Variants in DNAH1 observed in about 807,000 individuals in gnomAD.
DNAH1 encodes dynein axonemal heavy chain 1, also known as axonemal beta dynein heavy chain 1.
In DNAH1, 327 loss-of-function variants were observed where a neutral mutation model predicts 484.3. The observed-to-expected ratio is 0.68, with a 90% CI of 0.62 to 0.74. The LOEUF (loss-of-function observed/expected upper bound fraction) is 0.74, where lower values mean the gene tolerates loss of function less well. Ranked by LOEUF, DNAH1 falls within the 30% of genes least tolerant of loss-of-function variation. DNAH1 has a pLI of 0.00. For synonymous variants in DNAH1, 2,192 were observed against 2,191.9 expected (o/e 1.00, Z 0.00); for missense variants, 5,052 against 5,546.8 (o/e 0.91, Z 2.83).
Position 52,353,349 on chromosome 3 carries a change from G to A in DNAH1, c.3227-31G>A. On this transcript the variant is annotated intron_variant, in intron 19 of 77. Coordinates refer to ENST00000420323, the MANE Select transcript of DNAH1 (RefSeq NM_015512.5). This position sits in a 1 kb window ranked among gnomAD's most constrained non-coding sequence, Gnocchi z 5.0. ...CCCCTCCTCCCTGCCTCTGCCGCCT[G>A]CCTCTCATGCGTTTCTGTCTTACCC... is the stretch of plus-strand genomic sequence containing the variant. 6.2e-7 allele frequency: 1 copy of A among 1,608,316 alleles called. No individual in the cohort carries two copies. The highest frequency in any genetic ancestry group is 1.1e-5 in the South Asian group (1 of 90,650).
At chr3:52,370,935 G>C in intron 41 of DNAH1, 110 bp downstream of exon 41, 1 of 1,016,354 alleles carries the variant, frequency 9.8e-7, no homozygotes, top group Non-Finnish European at 1.5e-6. Context: ...TGGCCACCAG[G>C]TCTCAGGCAG....
At position 52,349,219 on chromosome 3, in the gene DNAH1, G is replaced by A; in HGVS notation, c.2325G>A (p.Leu775=). 6.2e-7 allele frequency: 1 copy of A among 1,613,738 alleles called. No individual in the cohort carries two copies. The highest frequency in any genetic ancestry group is 8.5e-7 in the Non-Finnish European group (1 of 1,179,772). ...GAACCTACCAGACGCAGGGCCTGTT[G>A]GCCCAGGAGGTGCGGGAGGTAGTGC... ...FLKTYQTQGL[L]AQEVREVVLT... is the part of the protein sequence containing the mutation. The change falls in exon 14 of 78, where the codon TTG becomes TTA. Residue 775 remains leucine (L), a synonymous_variant. Coordinates refer to ENST00000420323, the MANE Select transcript of DNAH1 (RefSeq NM_015512.5).
Position 52,362,910 on chromosome 3 carries a change from G to T in DNAH1, c.5095-85G>T. 6.3e-7 allele frequency: 1 copy of T among 1,575,714 alleles called. No individual in the cohort carries two copies. The highest frequency in any genetic ancestry group is 2.2e-5 in the East Asian group (1 of 44,572). On this transcript the variant is annotated intron_variant, in intron 31 of 77. Coordinates refer to ENST00000420323, the MANE Select transcript of DNAH1 (RefSeq NM_015512.5). This position sits in a 1 kb window ranked among gnomAD's most constrained non-coding sequence, Gnocchi z 5.1. ...GCTTGGTGCAGCAGGGAGTCCCAGC[G>T]TGTTAGGGAGGAGGGCCGGATGAAG...
intron 22 of DNAH1, 82 bp downstream of exon 22, chr3:52,356,860 C>T (rs1702631709): frequency 5.4e-6 from 8 of 1,475,904 alleles, no homozygotes; most frequent in Non-Finnish European, 5.5e-6. Flanking sequence ...AGTCTCTTCC[C>T]TCCCTACACA....
At chr3:52,393,709 G>A (rs939346024) in intron 66 of DNAH1, among the ~76,000 whole-genome samples, 1 of 152,220 alleles carries the variant, frequency 6.6e-6, no homozygotes, top group African/African-American at 2.4e-5. Context: ...CTTGAGGCCA[G>A]GAGTTCAAGA....
At chr3:52,329,785 A>G (rs1701475307) in intron 6 of DNAH1, among the ~76,000 whole-genome samples, 1 of 151,662 alleles carries the variant, frequency 6.6e-6, no homozygotes, top group African/African-American at 2.4e-5. Context: ...AGCTCGCGCC[A>G]TTGCACTCCA....
In DNAH1 at chr3:52,323,840, C is replaced by A; in HGVS notation, c.366C>A (p.Asn122Lys). 6.3e-7 allele frequency: 1 copy of A among 1,587,716 alleles called. No individual in the cohort carries two copies. The highest frequency in any genetic ancestry group is 8.6e-7 in the Non-Finnish European group (1 of 1,166,962). The change falls in exon 3 of 78, where the codon AAC (asparagine) becomes AAA (lysine). Residue 122 changes from asparagine (N) to lysine (K), a missense_variant. Around this residue, in one of 4 missense-constraint regions of DNAH1, gnomAD observed 1,263 missense variants for 1,218.8 expected, o/e 1.04. Transcript: ENST00000420323. ...EVCRGPRMSQ[N>K]LLRQADLDKF... ...GTCGTGGCCCCCGAATGAGCCAGAA[C>A]CTCCTGCGGCAGGCTGACCTTGACA...
At position 52,353,133 on chromosome 3, in the gene DNAH1, T is replaced by A; in HGVS notation, c.3058T>A (p.Phe1020Ile). ...CAAGCTCTCCAGGATGGTGAAGGAG[T>A]TCCAACCCTACCTGGACCTTTGGAC... is the stretch of plus-strand genomic sequence containing the variant. ...YDKLSRMVKE[F>I]QPYLDLWTTA... is the part of the protein sequence containing the mutation. Residue 1020 changes from phenylalanine (F) to isoleucine (I), a missense_variant, in exon 19 of 78, where the codon TTC (phenylalanine) becomes ATC (isoleucine). Around this residue, in one of 4 missense-constraint regions of DNAH1, gnomAD observed 2,929 missense variants for 3,409.4 expected, o/e 0.86. Transcript: ENST00000420323. The surrounding 1 kb of genome is among the most constrained non-coding windows in gnomAD (Gnocchi z 5.0). 6.2e-7 allele frequency: 1 copy of A among 1,613,552 alleles called. No homozygotes were observed. Among genetic ancestry groups the A allele is most frequent in the Non-Finnish European group, 8.5e-7 (1 of 1,179,738 alleles).
At position 52,359,353 on chromosome 3, in the gene DNAH1, C is replaced by A; in HGVS notation, c.4374C>A (p.Leu1458=). 6.4e-7 allele frequency: 1 copy of A among 1,571,206 alleles called. No homozygotes were observed. The highest frequency in any genetic ancestry group is 8.6e-7 in the Non-Finnish European group (1 of 1,157,344). ...EVAEALEAGN[L]RSQLFPQLCQ... ...CAGAGGCTCTGGAGGCCGGCAACCT[C>A]AGAAGCCAACTGTTCCCCCAGCTCT... Residue 1458 remains leucine (L), a synonymous_variant, in exon 26 of 78, where the codon CTC becomes CTA. Transcript: ENST00000420323.
At chr3:52,391,625 C>T (rs752769850) in intron 63 of DNAH1, 22 bp downstream of exon 63, 44 of 1,613,142 alleles carry the variant, frequency 2.7e-5, no homozygotes, top group East Asian at 4.5e-5. Flanking sequence ...CTCTTGGGGA[C>T]GCCCAAGCAT....
At position 52,364,919 on chromosome 3, in the gene DNAH1, C is replaced by T. The variant is rs199597694; in HGVS notation, c.5418C>T (p.Ser1806=). 205 of 1,613,986 alleles carry T rather than the reference C, an allele frequency of 1.3e-4. No individual in the cohort carries two copies. In the African/African-American group the frequency reaches 2.1e-3, roughly 17 times the overall value. The part of the protein sequence containing the change: ...EDLKLFSGIV[S]DLFPTIKEED... ...TCAAGCTCTTCTCTGGCATCGTGTC[C>T]GACCTGTTTCCCACCATCAAGGAGG... The change falls in exon 34 of 78, where the codon TCC becomes TCT. Residue 1806 remains serine (S), a synonymous_variant. Transcript: ENST00000420323. The surrounding 1 kb of genome is among the most constrained non-coding windows in gnomAD (Gnocchi z 4.2).
chr3:52,324,162 A>C (rs551247868), intron 3 of DNAH1, among the ~76,000 whole-genome samples: 1 of 152,294 alleles, frequency 6.6e-6, no homozygotes, highest in African/African-American at 2.4e-5. Context: ...GGCTGAGGTC[A>C]GAAGGGCATA....
rs867680175 is a variant in DNAH1 at position 52,395,783 on chromosome 3, C to T, written c.11259+105C>T. On this transcript the variant is annotated intron_variant, in intron 70 of 77. Coordinates refer to ENST00000420323, the MANE Select transcript of DNAH1 (RefSeq NM_015512.5). The surrounding 1 kb of genome is among the most constrained non-coding windows in gnomAD (Gnocchi z 4.4). ...TCATGCCAAGCACTCTGCCCAGCCT[C>T]TAGCACGTGGCAAGTGCTCAGCAAC... The T allele has an allele frequency of 3.2e-5, 47 of 1,486,832 alleles. No homozygotes were observed. The Middle Eastern group carries it at 5.5e-4, about 18-fold the overall frequency. 92.1% of individuals were successfully genotyped at this position (1,486,832 alleles called of 1,614,324 possible). A position where few individuals can be genotyped will look rare whatever the true frequency, so the allele number is the denominator to read the frequency against.
At position 52,379,824 on chromosome 3, in the gene DNAH1, C is replaced by A; in HGVS notation, c.7378-81C>A. 1 of 1,297,602 alleles carries A rather than the reference C, an allele frequency of 7.7e-7. No individual in the cohort carries two copies. Among genetic ancestry groups the A allele is most frequent in the Non-Finnish European group, 1.1e-6 (1 of 948,218 alleles). 80.4% of individuals were successfully genotyped at this position (1,297,602 alleles called of 1,614,324 possible). Reference sequence around the variant, plus strand: ...AGTCAGGGCCCCAGGAACTGGGGCCCACCCTCCCTTGCCTGGTGGTTTGAG... The same window carrying A: ...AGTCAGGGCCCCAGGAACTGGGGCCAACCCTCCCTTGCCTGGTGGTTTGAG... On this transcript the variant is annotated intron_variant, in intron 47 of 77. Coordinates refer to ENST00000420323, the MANE Select transcript of DNAH1 (RefSeq NM_015512.5). The surrounding 1 kb of genome is among the most constrained non-coding windows in gnomAD (Gnocchi z 4.4).
rs536507260 is a variant in DNAH1 at position 52,355,840 on chromosome 3, C to G, written c.3694-774C>G. Among the ~76,000 whole-genome samples, 12 of 152,360 alleles carry G rather than the reference C, an allele frequency of 7.9e-5. No individual in the cohort carries two copies. In the South Asian group the frequency reaches 2.5e-3, roughly 32 times the overall value. ...GCCTTGCCGACTCTCCCTCACCATC[C>G]TTCAAGGGGTTCCCACCGAGGCCAT... On this transcript the variant is annotated intron_variant, in intron 21 of 77. Transcript: ENST00000420323. The surrounding 1 kb of genome is among the most constrained non-coding windows in gnomAD (Gnocchi z 4.5).
rs1008820403 is a variant in DNAH1 at position 52,355,946 on chromosome 3, G to A, written c.3694-668G>A. 5.3e-5 allele frequency among the ~76,000 whole-genome samples: 8 copies of A among 152,218 alleles called. No homozygotes were observed. The highest frequency in any genetic ancestry group is 1.9e-4 in the African/African-American group (8 of 41,458). ...GAACTGGCCCCTTAGTGGGCTGTGG[G>A]CCCCTCGAGGGAAGGGACCAGGCCG... On this transcript the variant is annotated intron_variant, in intron 21 of 77. Transcript: ENST00000420323. This position sits in a 1 kb window ranked among gnomAD's most constrained non-coding sequence, Gnocchi z 4.5.
intron 44 of DNAH1, 119 bp downstream of exon 44, chr3:52,373,172 T>A: frequency 6.3e-6 from 7 of 1,113,038 alleles, no homozygotes; most frequent in Non-Finnish European, 7.3e-6. Flanking sequence ...TTTTAATTTC[T>A]CTTAAAATTA....
intron 41 of DNAH1, 29 bp downstream of exon 41, chr3:52,370,854 A>G (rs1395849038): frequency 6.4e-7 from 1 of 1,558,954 alleles, no homozygotes; most frequent in Admixed American, 1.9e-5. Context: ...CAGAGACTGC[A>G]CAGGGAGGGA....
Position 52,363,064 on chromosome 3 carries a change from T to G in DNAH1, c.5164T>G (p.Phe1722Val). The change falls in exon 32 of 78, where the codon TTT (phenylalanine) becomes GTT (valine). Residue 1722 changes from phenylalanine (F) to valine (V), a missense_variant. Coordinates refer to ENST00000420323, the MANE Select transcript of DNAH1 (RefSeq NM_015512.5). The stretch of plus-strand genomic sequence containing the variant: ...GATCACTGAGATCTCCCTCTATTCC[T>G]TTGGCTTTAATGAGGCCAGTGTGCT... Reference protein sequence around the residue: ...AMITEISLYSFGFNEASVLAK... With the variant: ...AMITEISLYSVGFNEASVLAK... 1 of 1,614,000 alleles carries G rather than the reference T, an allele frequency of 6.2e-7. No individual in the cohort carries two copies. Among genetic ancestry groups the G allele is most frequent in the South Asian group, 1.1e-5 (1 of 91,088 alleles).
Sources: allele counts gnomAD v4.1 joint callset (sites outside exome capture counted in the v4.1 genomes callset), GRCh38; gene constraint gnomAD v4.1.1; regional missense constraint gnomAD v4.1.1; non-coding constraint Gnocchi (gnomAD v3.1); transcripts MANE v1.5; gene names NCBI Gene and HGNC (gene_info 2026-07-23, HGNC 2026-07-21).